Variants in CACNB2 observed in about 807,000 individuals in gnomAD.
CACNB2 encodes calcium voltage-gated channel auxiliary subunit beta 2, also known as voltage-dependent L-type calcium channel subunit beta-2.
CACNB2 carries 42 observed loss-of-function variants against 73.3 expected under a neutral mutation model. That is an observed-to-expected ratio of 0.57 (90% CI 0.45 to 0.74). The LOEUF is 0.74. Ranked by LOEUF, CACNB2 falls within the 30% of genes least tolerant of loss-of-function variation. The pLI is 0.00. For synonymous variants in CACNB2, 348 were observed against 310.3 expected, an observed-to-expected ratio of 1.12 and a Z score of -1.28; for missense variants, 940 against 853.0, an observed-to-expected ratio of 1.10 and a Z score of -1.27.
chr10:18,146,912 C>T (rs938203301), intron 1 of CACNB2, among the ~76,000 whole-genome samples: 15 of 152,116 alleles, frequency 9.9e-5, no homozygotes, highest in African/African-American at 2.9e-4. Flanking sequence ...CATGAGCCAC[C>T]GTGCCCGGCC....
At chr10:18,387,785 C>G (rs142471604) in intron 2 of CACNB2, among the ~76,000 whole-genome samples, 1 of 151,350 alleles carries the variant, frequency 6.6e-6, no homozygotes. Context: ...GCGACAGGCT[C>G]TCATTCTGTC....
intron 2 of CACNB2, among the ~76,000 whole-genome samples, chr10:18,246,150 G>T (rs536787879): frequency 1.3e-5 from 2 of 152,262 alleles, no homozygotes; most frequent in Admixed American, 1.3e-4. Flanking sequence ...AGACTGCCTA[G>T]AATTGAAGCC....
intron 3 of CACNB2, among the ~76,000 whole-genome samples, chr10:18,405,112 A>T (rs2044214701): frequency 6.6e-6 from 1 of 152,196 alleles, no homozygotes; most frequent in Admixed American, 6.5e-5. Flanking sequence ...CTTTGAAAAC[A>T]ACTTTATTGA....
At chr10:18,519,585 T>A in intron 9 of CACNB2, 1 of 399,888 alleles carries the variant, frequency 2.5e-6, no homozygotes, top group South Asian at 1.9e-5. Context: ...AGAGCCGTAA[T>A]CATCCTTTGC....
chr10:18,492,049 C>T (rs1234969364), intron 3 of CACNB2, among the ~76,000 whole-genome samples: 2 of 152,098 alleles, frequency 1.3e-5, no homozygotes, highest in Non-Finnish European at 2.9e-5. Context: ...CCTCAGGAGA[C>T]TTACAGTCGT....
At chr10:18,363,813 C>A (rs1197571295) in intron 2 of CACNB2, among the ~76,000 whole-genome samples, 1 of 151,678 alleles carries the variant, frequency 6.6e-6, no homozygotes, top group East Asian at 1.9e-4. Flanking sequence ...ATAGTTATAC[C>A]AATCAAATAG....
At chr10:18,339,486 A>G (rs1224770847) in intron 2 of CACNB2, among the ~76,000 whole-genome samples, 1 of 152,156 alleles carries the variant, frequency 6.6e-6, no homozygotes, top group African/African-American at 2.4e-5. Flanking sequence ...GCGCCACTGC[A>G]CTACAGCCCG....
At chr10:18,381,294 A>AACTCTCGT (rs1157300241) in intron 2 of CACNB2, among the ~76,000 whole-genome samples, 1 of 151,488 alleles carries the variant, frequency 6.6e-6, no homozygotes, top group African/African-American at 2.4e-5. Flanking sequence ...CAAATGTATG[A>AACTCTCGT]ACTCTCGTAC....
At chr10:18,494,166 CT>C (rs34221824) in intron 3 of CACNB2, among the ~76,000 whole-genome samples, 1 of 152,066 alleles carries the variant, frequency 6.6e-6, no homozygotes, top group African/African-American at 2.4e-5. Flanking sequence ...TTTCTTTTTC[CT>C]TTTTCAGTCC....
intron 2 of CACNB2, among the ~76,000 whole-genome samples, chr10:18,270,257 A>G (rs79982748): frequency 0.057 from 8,636 of 152,196 alleles, 558 homozygotes; most frequent in East Asian, 0.36. Flanking sequence ...CATAAAAACA[A>G]TGTGGAAGAA....
intron 3 of CACNB2, among the ~76,000 whole-genome samples, chr10:18,424,473 T>G (rs1449710833): frequency 6.6e-6 from 1 of 152,154 alleles, no homozygotes; most frequent in Non-Finnish European, 1.5e-5. Context: ...TAAATTGACA[T>G]GGCACACTGG....
chr10:18,368,729 G>T (rs1481072641), intron 2 of CACNB2, among the ~76,000 whole-genome samples: 3 of 152,008 alleles, frequency 2.0e-5, no homozygotes, highest in Non-Finnish European at 4.4e-5. Context: ...TAACCCTCAT[G>T]TGTTTAAAAT....
chr10:18,151,097 T>A (rs183529383), intron 2 of CACNB2, 122 bp downstream of exon 2: 5 of 742,874 alleles, frequency 6.7e-6, no homozygotes, highest in Non-Finnish European at 1.2e-5. Flanking sequence ...TTAATTGAAG[T>A]GAAGACGGTG....
intron 4 of CACNB2, among the ~76,000 whole-genome samples, chr10:18,500,541 T>G (rs764481619): frequency 2.0e-5 from 3 of 152,186 alleles, no homozygotes; most frequent in African/African-American, 7.2e-5. Flanking sequence ...TTATCCCTAC[T>G]CATGGTGACA....
At position 18,367,254 on chromosome 10, in the gene CACNB2, T is replaced by G. The variant is rs2042393866; in HGVS notation, c.214-34670T>G. On this transcript the variant is annotated intron_variant, in intron 2 of 13. Coordinates refer to ENST00000324631, the MANE Select transcript of CACNB2 (RefSeq NM_201596.3). ...GGACTAGCACAAATGTTGAAATACT[T>G]TGGGACAAAGTTTGAAATGAACACA... Among the ~76,000 whole-genome samples, 3 of 152,164 alleles carry G rather than the reference T, an allele frequency of 2.0e-5. No homozygotes were observed. The South Asian group carries it at 6.2e-4, about 31-fold the overall frequency.
At chr10:18,309,929 C>G (rs183230571) in intron 2 of CACNB2, among the ~76,000 whole-genome samples, 3 of 152,150 alleles carry the variant, frequency 2.0e-5, no homozygotes, top group African/African-American at 4.8e-5. Flanking sequence ...TTAAAATTAA[C>G]ATTATTTTGC....
chr10:18,216,133 TA>T (rs5783587), intron 2 of CACNB2, among the ~76,000 whole-genome samples: 94,549 of 144,722 alleles, frequency 0.65, 32,396 homozygotes, highest in Non-Finnish European at 0.78. Flanking sequence ...CCGTCTCAAC[TA>T]AAAAAAAAAA....
intron 3 of CACNB2, among the ~76,000 whole-genome samples, chr10:18,417,432 G>A (rs1406915377): frequency 1.5e-5 from 2 of 136,970 alleles, no homozygotes; most frequent in African/African-American, 2.8e-5. Flanking sequence ...GCAGTGGCGC[G>A]ATCTCGGCTC....
intron 2 of CACNB2, among the ~76,000 whole-genome samples, chr10:18,161,685 A>C (rs2131094817): frequency 6.6e-6 from 1 of 151,478 alleles, no homozygotes; most frequent in Non-Finnish European, 1.5e-5. Context: ...AGCAAATTTG[A>C]GGCCCAGGCA....
Sources: allele counts gnomAD v4.1 joint callset (sites outside exome capture counted in the v4.1 genomes callset), GRCh38; gene constraint gnomAD v4.1.1; transcripts MANE v1.5; gene names NCBI Gene and HGNC (gene_info 2026-07-23, HGNC 2026-07-21).